SLC17A3: variants seen among roughly 807,000 people sequenced by gnomAD.
SLC17A3 encodes sodium-dependent phosphate transport protein 4.
Under a neutral mutation model 60.3 loss-of-function variants are expected in SLC17A3, and 61 were observed. The ratio of observed to expected loss-of-function variants is 1.01; its 90% CI spans 0.82 to 1.25. The LOEUF (loss-of-function observed/expected upper bound fraction) is 1.25, where lower values mean the gene tolerates loss of function less well. Among genes scored for constraint, SLC17A3 ranks in the 50% most tolerant of loss-of-function variants. SLC17A3 has a pLI of 0.00. For synonymous variants in SLC17A3, 192 were observed against 208.9 expected (o/e 0.92, Z 0.70); for missense variants, 624 against 594.9 (o/e 1.05, Z -0.51).
intron 1 of SLC17A3, 36 bp from the exon 2 acceptor site, chr6:25,868,456 G>T: frequency 7.8e-7 from 1 of 1,280,744 alleles, no homozygotes; most frequent in Non-Finnish European, 1.1e-6. Flanking sequence ...TGCATCAGTT[G>T]AGAGAAAGAG....
At chr6:25,866,929 AT>A (rs1285807343) in intron 2 of SLC17A3, among the ~76,000 whole-genome samples, 4 of 151,966 alleles carry the variant, frequency 2.6e-5, no homozygotes, top group African/African-American at 9.7e-5. Flanking sequence ...ATAATACTGC[AT>A]TTTGTCAAAC....
chr6:25,861,670 C>T lies in SLC17A3; in HGVS notation c.579G>A (p.Trp193Ter), dbSNP rs1765449075. 1 of 1,613,968 alleles carries T rather than the reference C, an allele frequency of 6.2e-7. No individual in the cohort carries two copies. Among genetic ancestry groups the T allele is most frequent in the South Asian group, 1.1e-5 (1 of 91,076 alleles). The stretch of plus-strand genomic sequence containing the variant: ...GTCTGCTTCGTTCTTGTGGAGGGCC[C>T]CACTTTTCCCAAATTGCAAACTGAC... ...LGGQFAIWEK[W>*]GPPQERSRLC... Residue 193 changes from tryptophan to a stop codon, truncating the protein, a stop_gained, in exon 5 of 13, where the codon TGG becomes TGA. Coordinates refer to ENST00000397060, the MANE Select transcript of SLC17A3 (RefSeq NM_001098486.2). LOFTEE classifies it high-confidence loss of function.
chr6:25,854,039 T>G (rs765328270), intron 6 of SLC17A3, among the ~76,000 whole-genome samples: 1 of 152,178 alleles, frequency 6.6e-6, no homozygotes, highest in Non-Finnish European at 1.5e-5. Context: ...TCATTTCTAG[T>G]TTAATTTTAT....
intron 11 of SLC17A3, among the ~76,000 whole-genome samples, chr6:25,848,922 A>C (rs1034785642): frequency 1.3e-5 from 2 of 152,208 alleles, no homozygotes; most frequent in African/African-American, 4.8e-5. Context: ...CCCATCAAAA[A>C]GTGGGCTAAG....
rs1311637609 is a variant in SLC17A3 at position 25,862,509 on chromosome 6, A to G, written c.92-65T>C. 12 of 1,299,972 alleles carry G rather than the reference A, an allele frequency of 9.2e-6. No individual in the cohort carries two copies. In the East Asian group the frequency reaches 2.3e-4, roughly 25 times the overall value. The allele number at this position is 1,299,972 out of a possible 1,614,324, so 80.5% of individuals were successfully genotyped here. On this transcript the variant is annotated intron_variant, in intron 2 of 12. Coordinates refer to ENST00000397060, the MANE Select transcript of SLC17A3 (RefSeq NM_001098486.2). Reference sequence around the variant, plus strand: ...TGAGCTAACATTAGTTTTTCACAAGATATGATTTAAAAAGTACCTGATCAC... The same window carrying G: ...TGAGCTAACATTAGTTTTTCACAAGGTATGATTTAAAAAGTACCTGATCAC...
chr6:25,864,713 G>C (rs1765507660), intron 2 of SLC17A3, among the ~76,000 whole-genome samples: 1 of 152,030 alleles, frequency 6.6e-6, no homozygotes, highest in African/African-American at 2.4e-5. Context: ...AGGCACCAAA[G>C]AGAAGATGTT....
Position 25,849,893 on chromosome 6 carries a change from T to C in SLC17A3, c.1183A>G (p.Thr395Ala). Residue 395 changes from threonine (T) to alanine (A), a missense_variant, in exon 10 of 13, where the codon ACA becomes GCA. Transcript: ENST00000397060. Reference sequence around the variant, plus strand: ...GAGAGCGTCAGCAAGGCAGTTGCTGTGATATAGCCGGAATTGAGGTAAGGC... The same window carrying C: ...GAGAGCGTCAGCAAGGCAGTTGCTGCGATATAGCCGGAATTGAGGTAAGGC... ...SLPYLNSGYITATALLTLSCG... is the reference protein window; with the variant it reads ...SLPYLNSGYIAATALLTLSCG... 6.2e-7 allele frequency: 1 copy of C among 1,613,866 alleles called. No individual in the cohort carries two copies. Among genetic ancestry groups the C allele is most frequent in the Non-Finnish European group, 8.5e-7 (1 of 1,179,740 alleles).
At chr6:25,858,034 G>A (rs957790593) in intron 5 of SLC17A3, among the ~76,000 whole-genome samples, 2 of 151,966 alleles carry the variant, frequency 1.3e-5, no homozygotes, top group African/African-American at 4.8e-5. Flanking sequence ...TTTTTTGGAG[G>A]GGATGGAGTC....
At chr6:25,868,568 CACA>C (rs1223065345) in intron 1 of SLC17A3, 148 bp from the exon 2 acceptor site, 2 of 616,442 alleles carry the variant, frequency 3.2e-6, no homozygotes, top group Non-Finnish European at 5.8e-6. Flanking sequence ...CTTGGCTCAA[CACA>C]ACAAGCATAC....
chr6:25,862,102 G>A, intron 3 of SLC17A3, 73 bp from the exon 4 acceptor site: 2 of 1,413,056 alleles, frequency 1.4e-6, no homozygotes, highest in Non-Finnish European at 2.0e-6. Context: ...AGCTCCTTTA[G>A]ACCTTTTGCT....
chr6:25,850,030 C>T lies in SLC17A3; in HGVS notation c.1123+18G>A. On this transcript the variant is annotated intron_variant, in intron 9 of 12. Coordinates refer to ENST00000397060, the MANE Select transcript of SLC17A3 (RefSeq NM_001098486.2). ...TGTATGCTACGCAAATTATCTGACC[C>T]TCAAGCTCTGTTCTTACCTAAAATT... 2 of 1,613,942 alleles carry T rather than the reference C, an allele frequency of 1.2e-6. No individual in the cohort carries two copies. The highest frequency in any genetic ancestry group is 1.1e-5 in the South Asian group (1 of 91,080).
At chr6:25,846,156 T>A (rs1449323000) in intron 11 of SLC17A3, among the ~76,000 whole-genome samples, 1 of 152,090 alleles carries the variant, frequency 6.6e-6, no homozygotes, top group Non-Finnish European at 1.5e-5. Context: ...TTTTTTTAAA[T>A]CAATTAAATT....
chr6:25,862,232 C>T lies in SLC17A3; in HGVS notation c.303+1G>A, dbSNP rs1285452092. ...ACAAATTTATATCTTATGTTGCTTACCTTTGCAGGAAGACTCTTTGGGGCT... is the reference window on the plus strand; with the variant it reads ...ACAAATTTATATCTTATGTTGCTTATCTTTGCAGGAAGACTCTTTGGGGCT... On this transcript the variant is annotated splice_donor_variant, in intron 3 of 12. Coordinates refer to ENST00000397060, the MANE Select transcript of SLC17A3 (RefSeq NM_001098486.2). LOFTEE classifies it high-confidence loss of function. The T allele has an allele frequency of 5.0e-6, 8 of 1,609,110 alleles. No homozygotes were observed. The highest frequency in any genetic ancestry group is 1.1e-5 in the South Asian group (1 of 90,986).
At chr6:25,873,078 C>T (rs1765671241) in intron 1 of SLC17A3, among the ~76,000 whole-genome samples, 1 of 152,046 alleles carries the variant, frequency 6.6e-6, no homozygotes, top group Non-Finnish European at 1.5e-5. Flanking sequence ...ACCCTTCCCA[C>T]ACCCTGGGGC....
At chr6:25,869,394 A>G (rs1017476483) in intron 1 of SLC17A3, among the ~76,000 whole-genome samples, 3 of 152,012 alleles carry the variant, frequency 2.0e-5, no homozygotes, top group African/African-American at 7.2e-5. Flanking sequence ...TCTAAGCACT[A>G]GTACTTAACC....
At chr6:25,851,241 ATT>A (rs35205418) in intron 6 of SLC17A3, among the ~76,000 whole-genome samples, 10,572 of 139,580 alleles carry the variant, frequency 0.076, 407 homozygotes, top group Non-Finnish European at 0.091. Flanking sequence ...TCTTTGCCCA[ATT>A]TTTTTTTTTT....
chr6:25,861,797 T>G lies in SLC17A3; in HGVS notation c.536A>C (p.Gln179Pro). Residue 179 changes from glutamine to proline, a missense_variant and splice_region_variant, in exon 4 of 13, where the codon CAG becomes CCG. Transcript: ENST00000397060. ...IVTRIVQGLS[Q>P]SSILGGQFAI... The stretch of plus-strand genomic sequence containing the variant: ...TCAGATTTATAAAATATTGGGTACC[T>G]GGCTTAGGCCCTGGACTATTCGAGT... 1 of 1,613,230 alleles carries G rather than the reference T, an allele frequency of 6.2e-7. No homozygotes were observed. Among genetic ancestry groups the G allele is most frequent in the Non-Finnish European group, 8.5e-7 (1 of 1,179,270 alleles).
chr6:25,847,911 CCT>C (rs1181713970), intron 11 of SLC17A3, among the ~76,000 whole-genome samples: 15 of 152,084 alleles, frequency 9.9e-5, no homozygotes, highest in Admixed American at 6.6e-5. Context: ...ACACCTTCCC[CCT>C]GAGTCCTCAA....
chr6:25,850,682 C>T, intron 7 of SLC17A3, 62 bp from the exon 8 acceptor site: 1 of 1,610,392 alleles, frequency 6.2e-7, no homozygotes, highest in Non-Finnish European at 8.5e-7. Flanking sequence ...CTTAGTCACC[C>T]TTAAAAATCC....
Sources: gnomAD v4.1 joint callset for allele counts (sites outside exome capture counted in the v4.1 genomes callset) on GRCh38, gnomAD v4.1.1 for gene constraint, MANE v1.5 for transcripts, NCBI Gene and HGNC (gene_info 2026-07-23, HGNC 2026-07-21) for gene names.